Variants in SYNPR observed in about 807,000 individuals in gnomAD.
The protein encoded by SYNPR is synaptoporin.
SYNPR carries 23 observed loss-of-function variants against 32.9 expected under a neutral mutation model. That is an observed-to-expected ratio of 0.70 (90% CI 0.50 to 0.99). The LOEUF (loss-of-function observed/expected upper bound fraction) is 0.99. Among genes scored for constraint, SYNPR ranks in the 50% least tolerant of loss-of-function variants. The pLI is 0.00. For synonymous variants in SYNPR, 146 were observed against 135.9 expected, an observed-to-expected ratio of 1.07 and a Z score of -0.52; for missense variants, 318 against 349.3, an observed-to-expected ratio of 0.91 and a Z score of 0.71.
At chr3:63,333,117 GT>G (rs76401049) in intron 2 of SYNPR, among the ~76,000 whole-genome samples, 7,809 of 151,794 alleles carry the variant, frequency 0.051, 245 homozygotes, top group Middle Eastern at 0.089. Flanking sequence ...TCAAAAACAG[GT>G]TTTTTTTCTT....
chr3:63,276,909 C>A (rs889009168), upstream of SYNPR, among the ~76,000 whole-genome samples: 3 of 75,364 alleles, frequency 4.0e-5, no homozygotes, highest in African/African-American at 5.6e-5. Context: ...CCACCCCCCC[C>A]ACCAACACAC....
At chr3:63,328,587 A>C (rs772738529) in intron 2 of SYNPR, among the ~76,000 whole-genome samples, 3 of 152,188 alleles carry the variant, frequency 2.0e-5, no homozygotes, top group Admixed American at 6.5e-5. Context: ...GACTAAGAAT[A>C]GTAGCCAGCA....
At chr3:63,297,793 G>A (rs1466355620) in intron 2 of SYNPR, among the ~76,000 whole-genome samples, 1 of 152,082 alleles carries the variant, frequency 6.6e-6, no homozygotes, top group Non-Finnish European at 1.5e-5. Flanking sequence ...GGGGTGAATG[G>A]ACCTCATGTG....
intron 2 of SYNPR, among the ~76,000 whole-genome samples, chr3:63,356,989 C>T (rs1413640817): frequency 6.6e-6 from 1 of 152,212 alleles, no homozygotes; most frequent in Non-Finnish European, 1.5e-5. Context: ...TATTTAACCA[C>T]TCTTAGCCTT....
At chr3:63,354,499 C>T (rs548325542) in intron 2 of SYNPR, among the ~76,000 whole-genome samples, 1 of 152,330 alleles carries the variant, frequency 6.6e-6, no homozygotes, top group South Asian at 2.1e-4. Flanking sequence ...TAAAGATGCT[C>T]TTCTCATGGT....
intron 4 of SYNPR, among the ~76,000 whole-genome samples, chr3:63,575,807 G>C (rs1187045735): frequency 6.6e-6 from 1 of 152,154 alleles, no homozygotes; most frequent in African/African-American, 2.4e-5. Flanking sequence ...AATAAGAAGA[G>C]TGTGGTTTAT....
chr3:63,226,084 C>G (rs146658219), upstream of SYNPR, among the ~76,000 whole-genome samples: 3 of 152,088 alleles, frequency 2.0e-5, no homozygotes, highest in African/African-American at 7.2e-5. Context: ...AAATGGCCAA[C>G]GGATAAATGT....
At chr3:63,203,064 A>ATG in the SYNPR span, among the ~76,000 whole-genome samples, 1,142 of 42,732 alleles carry the variant, frequency 0.027, 71 homozygotes, top group African/African-American at 0.055. Context: ...ATATATATGT[A>ATG]TGTGTATATA....
In SYNPR at chr3:63,371,988, C is replaced by T. The variant is rs535384851; in HGVS notation, c.84+93246C>T. ...CCAGTCTCTCTTCCCTGCAAGCCCT[C>T]AATCCCCACTCTTCACCAGACTGAG... On this transcript the variant is annotated intron_variant, in intron 2 of 5. Transcript: ENST00000478300. Among the ~76,000 whole-genome samples, 9 of 152,248 alleles carry T rather than the reference C, an allele frequency of 5.9e-5. No individual in the cohort carries two copies. In the East Asian group the frequency reaches 1.7e-3, roughly 30 times the overall value.
intron 5 of SYNPR, among the ~76,000 whole-genome samples, chr3:63,614,181 G>A (rs1327655196): frequency 1.3e-5 from 2 of 152,184 alleles, no homozygotes; most frequent in African/African-American, 2.4e-5. Flanking sequence ...CACGCTAGGG[G>A]GTGATGACTA....
intron 4 of SYNPR, among the ~76,000 whole-genome samples, chr3:63,561,908 C>T (rs1702697189): frequency 6.6e-6 from 1 of 152,112 alleles, no homozygotes; most frequent in Non-Finnish European, 1.5e-5. Context: ...ACAAGATTGC[C>T]CACCTTTAAG....
At chr3:63,599,226 CA>C (rs1276716013) in intron 4 of SYNPR, among the ~76,000 whole-genome samples, 68 of 152,268 alleles carry the variant, frequency 4.5e-4, no homozygotes, top group Non-Finnish European at 1.3e-4. Context: ...GTAGCATAAT[CA>C]CTCTATTTTA....
At chr3:63,403,964 A>G (rs980812888) in intron 2 of SYNPR, among the ~76,000 whole-genome samples, 7 of 152,188 alleles carry the variant, frequency 4.6e-5, no homozygotes, top group African/African-American at 1.7e-4. Context: ...TTAATTTCAT[A>G]TGACTGGGTT....
chr3:63,424,932 A>G (rs1699866796), intron 2 of SYNPR, among the ~76,000 whole-genome samples: 1 of 152,238 alleles, frequency 6.6e-6, no homozygotes, highest in Non-Finnish European at 1.5e-5. Context: ...AAGAGAAAGT[A>G]CAACCCTTGT....
chr3:63,289,930 AC>A (rs950483637), intron 2 of SYNPR, among the ~76,000 whole-genome samples: 76 of 152,132 alleles, frequency 5.0e-4, no homozygotes, highest in African/African-American at 1.8e-3. Flanking sequence ...AGAGATCGAG[AC>A]CATCCTGGCT....
At chr3:63,228,152 G>A (rs1490676687), upstream of SYNPR, among the ~76,000 whole-genome samples, 1 of 152,152 alleles carries the variant, frequency 6.6e-6, no homozygotes, top group East Asian at 1.9e-4. Context: ...AATTGCCTTT[G>A]ATGACTGGGA....
At chr3:63,209,930 T>C in the SYNPR span, among the ~76,000 whole-genome samples, 1 of 152,162 alleles carries the variant, frequency 6.6e-6, no homozygotes, top group Non-Finnish European at 1.5e-5. Flanking sequence ...GTATGCTGGA[T>C]GGGTGCTTGA....
At chr3:63,267,413 A>G (rs2086499171) in exon 3 of SYNPR, 1 of 152,266 alleles carries the variant, frequency 6.6e-6, no homozygotes, top group Non-Finnish European at 1.5e-5. Flanking sequence ...GTGAACCGTG[A>G]AGCAGAATAA....
chr3:63,458,190 A>G (rs1700519736), intron 2 of SYNPR, among the ~76,000 whole-genome samples: 1 of 152,132 alleles, frequency 6.6e-6, no homozygotes, highest in Non-Finnish European at 1.5e-5. Flanking sequence ...GTTTACTTTC[A>G]TGGCACTCTT....
Sources: allele counts gnomAD v4.1 joint callset (sites outside exome capture counted in the v4.1 genomes callset), GRCh38; gene constraint gnomAD v4.1.1; transcripts MANE v1.5; gene names NCBI Gene and HGNC (gene_info 2026-07-23, HGNC 2026-07-21).